CCDC57: variants seen among roughly 807,000 people sequenced by gnomAD.
The protein encoded by CCDC57 is coiled-coil domain containing 57.
Under a neutral mutation model 118.9 loss-of-function variants are expected in CCDC57, and 118 were observed. The ratio of observed to expected loss-of-function variants is 0.99; its 90% CI spans 0.86 to 1.16. The LOEUF is 1.16. Among genes scored for constraint, CCDC57 ranks in the 50% most tolerant of loss-of-function variants. The pLI is 0.00. For missense variants in CCDC57, 1,300 were observed against 1,320.7 expected (o/e 0.98, Z 0.24); for synonymous variants, 527 against 532.9 (o/e 0.99, Z 0.15).
At chr17:82,119,503 A>G (rs2036379516) in intron 19 of CCDC57, among the ~76,000 whole-genome samples, 1 of 151,946 alleles carries the variant, frequency 6.6e-6, no homozygotes. Context: ...GACATTCTGA[A>G]GCAGACCGAT....
intron 19 of CCDC57, among the ~76,000 whole-genome samples, chr17:82,122,312 C>T (rs80185932): frequency 7.2e-4 from 109 of 151,980 alleles, no homozygotes; most frequent in Non-Finnish European, 1.0e-3. Flanking sequence ...TGTGCACTCC[C>T]GCACGGTGGA....
At chr17:82,167,035 A>G (rs2146169772) in intron 13 of CCDC57, among the ~76,000 whole-genome samples, 1 of 152,306 alleles carries the variant, frequency 6.6e-6, no homozygotes, top group East Asian at 1.9e-4. Flanking sequence ...GGAAATGACA[A>G]AAGCAAGCAC....
chr17:82,188,739 G>A (rs1024503892), intron 7 of CCDC57, among the ~76,000 whole-genome samples: 1 of 152,182 alleles, frequency 6.6e-6, no homozygotes, highest in African/African-American at 2.4e-5. Context: ...GGTTTGATCC[G>A]ATCAACCTGC....
Position 82,195,457 on chromosome 17 carries a change from G to T in CCDC57, c.517-93C>A. 4.2e-6 allele frequency: 4 copies of T among 949,474 alleles called. No homozygotes were observed. In the South Asian group the frequency reaches 5.6e-5, roughly 13 times the overall value. 58.8% of individuals were successfully genotyped at this position (949,474 alleles called of 1,614,324 possible). ...GGAGGTGGGATCCAGAGGTGAGCAG[G>T]ACACAGTGTTTAACAGAGAAGGACC... On this transcript the variant is annotated intron_variant, in intron 4 of 19. Coordinates refer to ENST00000665763, the Ensembl canonical transcript of CCDC57.
At chr17:82,116,574 G>T (rs1175150829) in intron 19 of CCDC57, among the ~76,000 whole-genome samples, 1 of 152,140 alleles carries the variant, frequency 6.6e-6, no homozygotes, top group African/African-American at 2.4e-5. Flanking sequence ...GCTCTAATCA[G>T]ACAAGTCCCT....
intron 7 of CCDC57, among the ~76,000 whole-genome samples, chr17:82,193,420 G>A (rs1157007268): frequency 2.0e-5 from 3 of 152,010 alleles, no homozygotes; most frequent in Admixed American, 6.6e-5. Flanking sequence ...GGTTGTGCAC[G>A]CCTATAGCAC....
exon 20 of CCDC57, chr17:82,101,856 A>T (rs1040810156): frequency 3.2e-6 from 5 of 1,574,276 alleles, no homozygotes; most frequent in Non-Finnish European, 4.3e-6. Flanking sequence ...CTGCTGGAGG[A>T]GCTGGGAGCT....
intron 14 of CCDC57, 121 bp from the exon 14 acceptor site, chr17:82,158,069 C>T: frequency 6.9e-7 from 1 of 1,449,742 alleles, no homozygotes. Context: ...GGGGTCAGGG[C>T]CTCCTCCCCA....
chr17:82,124,620 T>C (rs1401255382), intron 19 of CCDC57, among the ~76,000 whole-genome samples: 1 of 151,674 alleles, frequency 6.6e-6, no homozygotes, highest in African/African-American at 2.4e-5. Flanking sequence ...GAGCGACACC[T>C]TGTACCTACA....
At chr17:82,168,479 C>A (rs1004144619) in intron 13 of CCDC57, among the ~76,000 whole-genome samples, 1 of 152,112 alleles carries the variant, frequency 6.6e-6, no homozygotes, top group Non-Finnish European at 1.5e-5. Flanking sequence ...ATGCCTGTAA[C>A]CCTAGCTACT....
intron 1 of CCDC57, among the ~76,000 whole-genome samples, chr17:82,209,718 C>T (rs2050032734): frequency 6.6e-6 from 1 of 152,164 alleles, no homozygotes; most frequent in Non-Finnish European, 1.5e-5. Flanking sequence ...AACTCCTCAC[C>T]TCAAGCGATT....
chr17:82,123,122 CTTTTTT>C (rs34869339), intron 19 of CCDC57, among the ~76,000 whole-genome samples: 3 of 105,766 alleles, frequency 2.8e-5, no homozygotes, highest in South Asian at 3.2e-4. Flanking sequence ...CTCCTAATAA[CTTTTTT>C]TTTTTTTTTT....
chr17:82,191,224 C>A (rs1023836463), intron 7 of CCDC57, among the ~76,000 whole-genome samples: 8 of 152,132 alleles, frequency 5.3e-5, no homozygotes, highest in African/African-American at 1.9e-4. Context: ...GAACGGGAGA[C>A]AACTCAATGG....
chr17:82,177,528 A>T (rs2045681590), intron 11 of CCDC57, among the ~76,000 whole-genome samples: 1 of 152,196 alleles, frequency 6.6e-6, no homozygotes, highest in Admixed American at 6.5e-5. Flanking sequence ...AGCCTGGGCA[A>T]CAAAGCGAGA....
chr17:82,152,749 C>A (rs990018320), intron 15 of CCDC57, among the ~76,000 whole-genome samples: 2 of 152,246 alleles, frequency 1.3e-5, no homozygotes, highest in African/African-American at 2.4e-5. Context: ...GGCCAGCACA[C>A]CCTGTCCCCG....
chr17:82,120,072 G>A lies in CCDC57; in HGVS notation c.2899+7620C>T, dbSNP rs148511550. Among the ~76,000 whole-genome samples the A allele has an allele frequency of 5.4e-4, 82 of 152,204 alleles. 1 individual carries two copies. The South Asian group carries it at 0.012, about 23-fold the overall frequency. ...TGGCTGTTCAACACAGCTGTGTGAC[G>A]TCGTGACTAAACACCATATCCTACA... On this transcript the variant is annotated intron_variant, in intron 19 of 19. Transcript: ENST00000665763.
rs141655265 is a variant in CCDC57 at position 82,191,177 on chromosome 17, T to G, written c.851+2579A>C. 4.8e-4 allele frequency among the ~76,000 whole-genome samples: 73 copies of G among 152,096 alleles called. No homozygotes were observed. In the East Asian group the frequency reaches 9.7e-3, roughly 20 times the overall value. The stretch of plus-strand genomic sequence containing the variant: ...GTGAAGGATTTCACAGCATGGATCT[T>G]GGAGAAACCCCAGAGCTGACCCCAC... On this transcript the variant is annotated intron_variant, in intron 7 of 19. Transcript: ENST00000665763.
rs994967488 is a variant in CCDC57, at chr17:82,172,447, A to G, written c.1729+191T>C. On this transcript the variant is annotated intron_variant, in intron 12 of 19. Transcript: ENST00000665763. The surrounding 1 kb of genome is among the most constrained non-coding windows in gnomAD (Gnocchi z 5.2). Reference sequence around the variant, plus strand: ...TTTACAAATATAAAAGCTTTTTGGTATAAAACTTAAGATCCCTTCTCTTGG... The same window carrying G: ...TTTACAAATATAAAAGCTTTTTGGTGTAAAACTTAAGATCCCTTCTCTTGG... Among the ~76,000 whole-genome samples the G allele has an allele frequency of 6.6e-5, 10 of 152,240 alleles. No individual in the cohort carries two copies. Among genetic ancestry groups the G allele is most frequent in the African/African-American group, 2.4e-4 (10 of 41,460 alleles).
chr17:82,149,191 G>A (rs1461304153), intron 16 of CCDC57, among the ~76,000 whole-genome samples: 3 of 143,722 alleles, frequency 2.1e-5, no homozygotes, highest in Non-Finnish European at 4.6e-5. Context: ...GGTGGATGGC[G>A]GATGGATGAG....
Sources: allele counts gnomAD v4.1 joint callset (sites outside exome capture counted in the v4.1 genomes callset), GRCh38; gene constraint gnomAD v4.1.1; non-coding constraint Gnocchi (gnomAD v3.1); transcripts MANE v1.5; gene names NCBI Gene and HGNC (gene_info 2026-07-23, HGNC 2026-07-21).